The following TYW1B variants were observed in gnomAD, a reference collection of about 807,000 sequenced individuals.
TYW1B encodes the protein S-adenosyl-L-methionine-dependent tRNA 4-demethylwyosine synthase TYW1B.
In TYW1B, 73 loss-of-function variants were observed where a neutral mutation model predicts 86.9. The ratio of observed to expected loss-of-function variants is 0.84; its 90% CI spans 0.70 to 1.02. The LOEUF is 1.02. Ranked by LOEUF, TYW1B falls within the 50% of genes least tolerant of loss-of-function variation. The probability of loss-of-function intolerance (pLI) is 0.00; values close to 1 mark genes in which losing one functional copy is unlikely to be tolerated. For missense variants in TYW1B, 637 were observed against 827.4 expected, an observed-to-expected ratio of 0.77 and a Z score of 2.82; for synonymous variants, 248 against 292.8, an observed-to-expected ratio of 0.85 and a Z score of 1.56.
At chr7:72,695,434 G>C (rs757654111) in intron 10 of TYW1B, among the ~76,000 whole-genome samples, 5 of 152,266 alleles carry the variant, frequency 3.3e-5, no homozygotes, top group African/African-American at 9.6e-5. Context: ...TTACACAGGA[G>C]CACAGCCCAG....
intron 12 of TYW1B, among the ~76,000 whole-genome samples, chr7:72,625,904 G>A (rs1812336755): frequency 8.5e-6 from 1 of 117,926 alleles, no homozygotes; most frequent in Non-Finnish European, 1.7e-5. Flanking sequence ...GGCGGGGGGG[G>A]GGGAAGAAAG....
rs1353778353 is a variant in TYW1B, at chr7:72,691,708, A to G, written c.1506+2979T>C. On this transcript the variant is annotated intron_variant, in intron 11 of 13. Coordinates refer to ENST00000620995, the MANE Select transcript of TYW1B (RefSeq NM_001145440.3). ...TTAAATCCATTCTAATTTTTATGCT[A>G]TGTAAATCCAAGACCGCTTAGAAAC... 2.0e-5 allele frequency among the ~76,000 whole-genome samples: 3 copies of G among 152,170 alleles called. 1 individual carries two copies. In the South Asian group the frequency reaches 6.2e-4, roughly 32 times the overall value.
chr7:72,679,734 C>G (rs1813823846), intron 11 of TYW1B, among the ~76,000 whole-genome samples: 1 of 151,982 alleles, frequency 6.6e-6, no homozygotes, highest in South Asian at 2.1e-4. Context: ...AATCAAGTTG[C>G]ATAAGGATAC....
At chr7:72,813,679 G>T (rs1330489786) in intron 3 of TYW1B, among the ~76,000 whole-genome samples, 1 of 152,162 alleles carries the variant, frequency 6.6e-6, no homozygotes, top group African/African-American at 2.4e-5. Context: ...AGAAAAAAGG[G>T]GAGGAATATT....
intron 11 of TYW1B, among the ~76,000 whole-genome samples, chr7:72,638,421 C>G (rs192423866): frequency 8.5e-5 from 13 of 152,176 alleles, no homozygotes; most frequent in Admixed American, 7.9e-4. Flanking sequence ...AGGAAAATCA[C>G]GTGATTATAT....
chr7:72,815,529 T>G (rs2129572814), intron 2 of TYW1B, 48 bp from the exon 3 acceptor site: 2 of 1,532,816 alleles, frequency 1.3e-6, no homozygotes, highest in Non-Finnish European at 1.8e-6. Context: ...ATGAGCCAAA[T>G]ATAGCCCTCA....
chr7:72,726,832 C>T (rs1787007359), intron 9 of TYW1B, among the ~76,000 whole-genome samples: 1 of 152,106 alleles, frequency 6.6e-6, no homozygotes, highest in Non-Finnish European at 1.5e-5. Flanking sequence ...TTGATTGACT[C>T]GCAGTTCAGC....
intron 9 of TYW1B, among the ~76,000 whole-genome samples, chr7:72,715,494 G>A (rs1454078190): frequency 2.6e-5 from 4 of 152,148 alleles, no homozygotes; most frequent in African/African-American, 4.8e-5. Context: ...AACAGAGAAT[G>A]TGAAAGACTC....
chr7:72,718,591 TG>T (rs1786834925), intron 9 of TYW1B, among the ~76,000 whole-genome samples: 1 of 152,022 alleles, frequency 6.6e-6, no homozygotes, highest in African/African-American at 2.4e-5. Flanking sequence ...TAACTGCAAT[TG>T]TAAGAATGTA....
At chr7:72,601,340 T>TA (rs1811660206) in intron 13 of TYW1B, among the ~76,000 whole-genome samples, 1 of 139,458 alleles carries the variant, frequency 7.2e-6, no homozygotes, top group African/African-American at 2.9e-5. Flanking sequence ...TAGCTAAACC[T>TA]CAAAAAAAAA....
At chr7:72,735,801 C>T (rs1257827098) in intron 8 of TYW1B, among the ~76,000 whole-genome samples, 1 of 147,928 alleles carries the variant, frequency 6.8e-6, no homozygotes, top group Non-Finnish European at 1.5e-5. Flanking sequence ...ACCTGGGAGG[C>T]AGAGATTGCA....
chr7:72,741,333 G>T (rs1787301259), intron 8 of TYW1B, among the ~76,000 whole-genome samples: 1 of 151,868 alleles, frequency 6.6e-6, no homozygotes, highest in African/African-American at 2.4e-5. Context: ...CTGAAATGAA[G>T]ACTTCACTAG....
At chr7:72,681,756 T>C (rs1398303650) in intron 11 of TYW1B, among the ~76,000 whole-genome samples, 1 of 146,994 alleles carries the variant, frequency 6.8e-6, no homozygotes, top group African/African-American at 2.5e-5. Context: ...CAGCTAATTT[T>C]TTGTATTTTT....
intron 2 of TYW1B, among the ~76,000 whole-genome samples, chr7:72,820,062 G>A (rs1362699480): frequency 2.6e-5 from 4 of 152,098 alleles, no homozygotes; most frequent in African/African-American, 9.7e-5. Context: ...ATTACCTGAG[G>A]TCAGGAGTTT....
At chr7:72,685,226 A>T (rs1813981297) in intron 11 of TYW1B, among the ~76,000 whole-genome samples, 1 of 152,188 alleles carries the variant, frequency 6.6e-6, no homozygotes, top group Non-Finnish European at 1.5e-5. Flanking sequence ...GACCTATATT[A>T]CAAACTCTAG....
chr7:72,779,692 G>A (rs1371645752), intron 6 of TYW1B, among the ~76,000 whole-genome samples: 6 of 124,874 alleles, frequency 4.8e-5, no homozygotes, highest in African/African-American at 1.5e-4. Flanking sequence ...ACTCCAGCCT[G>A]GGCGACAGAG....
At chr7:72,803,668 C>T (rs1418759814) in intron 5 of TYW1B, among the ~76,000 whole-genome samples, 1 of 152,034 alleles carries the variant, frequency 6.6e-6, no homozygotes, top group Non-Finnish European at 1.5e-5. Flanking sequence ...GGCTGGAGTG[C>T]AGTGGCGTGA....
rs114841514 is a variant in TYW1B at position 72,827,979 on chromosome 7, G to A, written c.4+93C>T. ...CAAGTGCAACAGTCTCCGAAGGAAG[G>A]GGACCGAGGACGCCACTCCGCCCGG... is the stretch of plus-strand genomic sequence containing the variant. On this transcript the variant is annotated intron_variant, in intron 1 of 13. Coordinates refer to ENST00000620995, the MANE Select transcript of TYW1B (RefSeq NM_001145440.3). 2.7e-3 allele frequency: 4,275 copies of A among 1,586,714 alleles called. 60 individuals are homozygous for A. In the African/African-American group the frequency reaches 0.035, roughly 13 times the overall value.
chr7:72,669,138 T>TTA (rs1813534212), intron 11 of TYW1B, among the ~76,000 whole-genome samples: 1 of 135,944 alleles, frequency 7.4e-6, no homozygotes, highest in Admixed American at 7.5e-5. Context: ...TTTAAACTTT[T>TTA]TTTTTTTTTT....
Sources: gnomAD v4.1 joint callset for allele counts (sites outside exome capture counted in the v4.1 genomes callset) on GRCh38, gnomAD v4.1.1 for gene constraint, MANE v1.5 for transcripts, NCBI Gene and HGNC (gene_info 2026-07-23, HGNC 2026-07-21) for gene names.